The following SMURF2 variants were observed in gnomAD, a reference collection of about 807,000 sequenced individuals.
The protein encoded by SMURF2 is SMAD specific E3 ubiquitin protein ligase 2, also known as E3 ubiquitin-protein ligase SMURF2.
A neutral mutation model predicts 109.6 loss-of-function variants in SMURF2; 48 were observed. That is an observed-to-expected ratio of 0.44 (90% CI 0.35 to 0.56). SMURF2 has a LOEUF of 0.56. Among genes scored for constraint, SMURF2 ranks in the 20% least tolerant of loss-of-function variants. The probability of loss-of-function intolerance (pLI) is 0.01; values close to 1 mark genes in which losing one functional copy is unlikely to be tolerated. For missense variants in SMURF2, 575 were observed against 909.0 expected, an observed-to-expected ratio of 0.63 and a Z score of 4.72; for synonymous variants, 288 against 317.1, an observed-to-expected ratio of 0.91 and a Z score of 0.97.
At chr17:64,631,274 G>C (rs868943854) in intron 1 of SMURF2, among the ~76,000 whole-genome samples, 1 of 12,384 alleles carries the variant, frequency 8.1e-5, no homozygotes, top group Non-Finnish European at 2.5e-4. Context: ...GGGAGAGAGG[G>C]GGGGGGGGAG....
Position 64,566,317 on chromosome 17 carries a change from T to C in SMURF2, c.1017-3351A>G, listed in dbSNP as rs573951311. Among the ~76,000 whole-genome samples, 7 of 151,996 alleles carry C rather than the reference T, an allele frequency of 4.6e-5. No homozygotes were observed. In the East Asian group the frequency reaches 9.7e-4, roughly 21 times the overall value. ...ATTGTTTCACATATAAATTATATAC[T>C]ACATTACATAGCTGAATAAAAACTA... On this transcript the variant is annotated intron_variant, in intron 10 of 18. Transcript: ENST00000262435.
At chr17:64,646,575 G>A (rs1368261303) in intron 1 of SMURF2, among the ~76,000 whole-genome samples, 2 of 151,122 alleles carry the variant, frequency 1.3e-5, no homozygotes, top group Admixed American at 6.6e-5. Context: ...TAGAGATGGA[G>A]TTTCACCATG....
At position 64,661,848 on chromosome 17, in the gene SMURF2, G is replaced by A. The variant is rs1217500890; in HGVS notation, c.33C>T (p.Pro11=). 10 of 1,220,588 alleles carry A rather than the reference G, an allele frequency of 8.2e-6. No homozygotes were observed. The highest frequency in any genetic ancestry group is 6.5e-5 in the East Asian group (2 of 30,980). The allele number at this position is 1,220,588 out of a possible 1,614,324, so 75.6% of individuals were successfully genotyped here. The part of the protein sequence containing the change: MSNPGGRRNG[P]VKLRLTVLCA... ...CCTCACCTGTCAGGCGCAGCTTGAC[G>A]GGCCCGTTCCTCCGGCCTCCGGGGT... The change falls in exon 1 of 19, where the codon CCC becomes CCT. Residue 11 remains proline, a synonymous_variant. Coordinates refer to ENST00000262435, the MANE Select transcript of SMURF2 (RefSeq NM_022739.4).
chr17:64,610,441 G>A (rs1240312976), intron 1 of SMURF2, among the ~76,000 whole-genome samples: 19 of 152,192 alleles, frequency 1.2e-4, no homozygotes, highest in African/African-American at 4.6e-4. Flanking sequence ...AAAAGGATGA[G>A]TTCATGTCCT....
intron 1 of SMURF2, among the ~76,000 whole-genome samples, chr17:64,640,057 T>C (rs1555692450): frequency 6.6e-6 from 1 of 152,242 alleles, no homozygotes; most frequent in Non-Finnish European, 1.5e-5. Flanking sequence ...TTCTATACTA[T>C]CTTCAGATTT....
At chr17:64,567,905 G>A (rs1555685190) in intron 10 of SMURF2, among the ~76,000 whole-genome samples, 1 of 148,716 alleles carries the variant, frequency 6.7e-6, no homozygotes, top group African/African-American at 2.5e-5. Flanking sequence ...CCAGGCTGGA[G>A]TGCAGTGGCG....
rs1258925245 is a variant in SMURF2 at position 64,662,192 on chromosome 17, C to A, written c.-312G>T. 7.7e-6 allele frequency: 8 copies of A among 1,034,138 alleles called. No homozygotes were observed. Among genetic ancestry groups the A allele is most frequent in the African/African-American group, 5.2e-5 (3 of 57,958 alleles). The allele number at this position is 1,034,138 out of a possible 1,614,324, so 64.1% of individuals were successfully genotyped here. On this transcript the variant is annotated 5_prime_UTR_variant, in exon 1 of 19. Transcript: ENST00000262435. The stretch of plus-strand genomic sequence containing the variant: ...GGCCGCCGAGGCCTTTCCCTCCTCT[C>A]GTCTCGGCGAGGCCCAGTAGCCGAC...
chr17:64,589,670 C>T (rs1454830499), intron 5 of SMURF2, among the ~76,000 whole-genome samples: 3 of 151,814 alleles, frequency 2.0e-5, no homozygotes, highest in Non-Finnish European at 4.4e-5. Flanking sequence ...CCTTATGAGA[C>T]TCTCATGCCT....
At chr17:64,647,455 C>A (rs368426843) in intron 1 of SMURF2, among the ~76,000 whole-genome samples, 2 of 151,942 alleles carry the variant, frequency 1.3e-5, no homozygotes, top group African/African-American at 2.4e-5. Flanking sequence ...CTGAAGCGGG[C>A]GGACCTGAGG....
intron 10 of SMURF2, among the ~76,000 whole-genome samples, chr17:64,563,527 G>A (rs563344757): frequency 2.6e-5 from 4 of 152,252 alleles, no homozygotes; most frequent in South Asian, 2.1e-4. Context: ...ACAGATTACC[G>A]TGTACATAAA....
chr17:64,559,780 A>C (rs1351710869), intron 12 of SMURF2, among the ~76,000 whole-genome samples: 1 of 148,992 alleles, frequency 6.7e-6, no homozygotes, highest in African/African-American at 2.5e-5. Flanking sequence ...ACGGAGTCAC[A>C]CTCTGTCACC....
At chr17:64,645,848 T>G (rs188492704) in intron 1 of SMURF2, among the ~76,000 whole-genome samples, 2 of 152,294 alleles carry the variant, frequency 1.3e-5, no homozygotes, top group East Asian at 3.9e-4. Flanking sequence ...TGACTATTAC[T>G]TATTGCTGGA....
At chr17:64,631,787 C>T (rs532350188) in intron 1 of SMURF2, among the ~76,000 whole-genome samples, 11 of 152,244 alleles carry the variant, frequency 7.2e-5, no homozygotes, top group African/African-American at 2.6e-4. Flanking sequence ...ATGCATTGAG[C>T]ATTTACTACT....
At chr17:64,565,321 G>A (rs1969284124) in intron 10 of SMURF2, among the ~76,000 whole-genome samples, 1 of 152,176 alleles carries the variant, frequency 6.6e-6, no homozygotes, top group Admixed American at 6.5e-5. Flanking sequence ...GGGCAGTTCT[G>A]TAAGGGCTGA....
chr17:64,558,417 C>T (rs1969156983), intron 12 of SMURF2, among the ~76,000 whole-genome samples: 1 of 151,920 alleles, frequency 6.6e-6, no homozygotes, highest in South Asian at 2.1e-4. Flanking sequence ...AAAAAGTCCA[C>T]GTCATCTCTA....
Position 64,547,895 on chromosome 17 carries a change from C to T in SMURF2, c.1870-94G>A. 1 of 1,017,648 alleles carries T rather than the reference C, an allele frequency of 9.8e-7. No homozygotes were observed. Among genetic ancestry groups the T allele is most frequent in the Non-Finnish European group, 1.5e-6 (1 of 665,770 alleles). The allele number at this position is 1,017,648 out of a possible 1,614,324, so 63.0% of individuals were successfully genotyped here. A position where few individuals can be genotyped will look rare whatever the true frequency, so the allele number is the denominator to read the frequency against. On this transcript the variant is annotated intron_variant, in intron 16 of 18. Coordinates refer to ENST00000262435, the MANE Select transcript of SMURF2 (RefSeq NM_022739.4). The surrounding 1 kb of genome is among the most constrained non-coding windows in gnomAD (Gnocchi z 4.2). ...ACTTTAGGTTTGTACTGCTGGCTGT[C>T]ATTTGGTGGTTCCTAATTAAAGATG... is the stretch of plus-strand genomic sequence containing the variant.
intron 9 of SMURF2, among the ~76,000 whole-genome samples, chr17:64,575,572 A>G (rs1555685998): frequency 6.6e-6 from 1 of 152,116 alleles, no homozygotes; most frequent in African/African-American, 2.4e-5. Context: ...TCTGAGCTCT[A>G]TAACACAAAG....
At chr17:64,574,769 T>C (rs952300687) in intron 9 of SMURF2, among the ~76,000 whole-genome samples, 11 of 152,208 alleles carry the variant, frequency 7.2e-5, no homozygotes, top group African/African-American at 2.7e-4. Context: ...AGAAATCCTT[T>C]ACTCACTAAT....
chr17:64,627,289 T>A (rs1289627638), intron 1 of SMURF2, among the ~76,000 whole-genome samples: 1 of 151,954 alleles, frequency 6.6e-6, no homozygotes, highest in Non-Finnish European at 1.5e-5. Context: ...TAATTTTTGT[T>A]ATTTTTAGTA....
Sources: allele counts gnomAD v4.1 joint callset (sites outside exome capture counted in the v4.1 genomes callset), GRCh38; gene constraint gnomAD v4.1.1; non-coding constraint Gnocchi (gnomAD v3.1); transcripts MANE v1.5; gene names NCBI Gene and HGNC (gene_info 2026-07-23, HGNC 2026-07-21).